MEI4: variants seen among roughly 807,000 people sequenced by gnomAD.
MEI4 encodes meiotic double-stranded break formation protein 4.
Under a neutral mutation model 31.4 loss-of-function variants are expected in MEI4, and 27 were observed. The ratio of observed to expected loss-of-function variants is 0.86; its 90% CI spans 0.63 to 1.19. MEI4 has a LOEUF of 1.19. Among genes scored for constraint, MEI4 ranks in the 50% most tolerant of loss-of-function variants. The pLI, the probability that MEI4 is intolerant of heterozygous loss-of-function variation, is 0.00. For missense variants in MEI4, 329 were observed against 398.9 expected (o/e 0.82, Z 1.49); for synonymous variants, 122 against 145.4 (o/e 0.84, Z 1.16).
intron 3 of MEI4, among the ~76,000 whole-genome samples, chr6:77,777,771 G>A (rs1768490355): frequency 6.6e-6 from 1 of 151,962 alleles, no homozygotes; most frequent in African/African-American, 2.4e-5. Flanking sequence ...CCAAAGAGCA[G>A]GCAGAAATGC....
At chr6:77,763,772 A>G (rs1768098626) in intron 3 of MEI4, among the ~76,000 whole-genome samples, 1 of 151,978 alleles carries the variant, frequency 6.6e-6, no homozygotes, top group Non-Finnish European at 1.5e-5. Context: ...TCCTCTTTGA[A>G]TGTTTGGTAG....
chr6:77,851,756 C>T (rs1378270323), intron 4 of MEI4, among the ~76,000 whole-genome samples: 2 of 151,738 alleles, frequency 1.3e-5, no homozygotes, highest in East Asian at 1.9e-4. Flanking sequence ...ACGTTGTGCA[C>T]ATGTACCCTA....
intron 4 of MEI4, among the ~76,000 whole-genome samples, chr6:77,867,444 T>C (rs6937032): frequency 0.54 from 82,266 of 152,030 alleles, 24,345 homozygotes; most frequent in African/African-American, 0.78. Context: ...GACATTTATG[T>C]AGCCAAAAGA....
intron 2 of MEI4, among the ~76,000 whole-genome samples, chr6:77,758,407 A>G (rs950960924): frequency 3.3e-5 from 5 of 151,936 alleles, no homozygotes; most frequent in Admixed American, 2.0e-4. Context: ...CAATCCTCCA[A>G]TTCTACCTCA....
intron 4 of MEI4, among the ~76,000 whole-genome samples, chr6:77,912,164 G>T (rs1766448496): frequency 6.6e-6 from 1 of 151,920 alleles, no homozygotes; most frequent in African/African-American, 2.4e-5. Context: ...TTCTGCATTT[G>T]TTATTCTGTT....
intron 4 of MEI4, among the ~76,000 whole-genome samples, chr6:77,919,847 A>G (rs1766661309): frequency 6.7e-6 from 1 of 150,112 alleles, no homozygotes; most frequent in Non-Finnish European, 1.5e-5. Flanking sequence ...AATACAAACT[A>G]CCATCAGAGA....
At chr6:77,835,416 AAAAAG>A (rs1314875604) in intron 4 of MEI4, among the ~76,000 whole-genome samples, 2 of 150,870 alleles carry the variant, frequency 1.3e-5, no homozygotes, top group Admixed American at 1.3e-4. Flanking sequence ...ATAAAAAAAA[AAAAAG>A]AAGAGAAAAA....
chr6:77,747,406 A>G (rs1767641324), intron 2 of MEI4, among the ~76,000 whole-genome samples: 1 of 152,198 alleles, frequency 6.6e-6, no homozygotes, highest in Non-Finnish European at 1.5e-5. Flanking sequence ...CCAAATGGCT[A>G]GGGAGCCCTC....
intron 3 of MEI4, among the ~76,000 whole-genome samples, chr6:77,788,116 G>A (rs1230136973): frequency 3.3e-5 from 5 of 152,000 alleles, no homozygotes; most frequent in Non-Finnish European, 7.4e-5. Flanking sequence ...ATCAATAAAT[G>A]TAATCCAGCA....
At chr6:77,661,638 A>C (rs998355199) in intron 1 of MEI4, among the ~76,000 whole-genome samples, 1 of 152,168 alleles carries the variant, frequency 6.6e-6, no homozygotes, top group Non-Finnish European at 1.5e-5. Context: ...ATAGATTTCC[A>C]TGATGGAAAG....
At chr6:77,664,777 A>G (rs1196802207) in intron 1 of MEI4, among the ~76,000 whole-genome samples, 2 of 152,136 alleles carry the variant, frequency 1.3e-5, no homozygotes, top group Non-Finnish European at 2.9e-5. Flanking sequence ...GACATCAGGC[A>G]CCTCAGACCG....
chr6:77,895,149 C>T (rs1225306173), intron 4 of MEI4, among the ~76,000 whole-genome samples: 1 of 152,126 alleles, frequency 6.6e-6, no homozygotes, highest in African/African-American at 2.4e-5. Context: ...TACGTATCTT[C>T]TTTCAGAGAT....
chr6:77,766,515 G>A (rs1015241215), intron 3 of MEI4, among the ~76,000 whole-genome samples: 1 of 152,158 alleles, frequency 6.6e-6, no homozygotes, highest in Non-Finnish European at 1.5e-5. Context: ...CTGGGTTCAC[G>A]CCATTCTCCT....
chr6:77,708,231 C>T (rs1423551264), intron 2 of MEI4, among the ~76,000 whole-genome samples: 1 of 152,230 alleles, frequency 6.6e-6, no homozygotes, highest in Non-Finnish European at 1.5e-5. Context: ...CCACCCCTTA[C>T]ACCAGTATGT....
Position 77,926,842 on chromosome 6 carries a change from T to A in MEI4, c.*3496T>A, listed in dbSNP as rs951832838. 5.9e-5 allele frequency: 9 copies of A among 151,964 alleles called. No homozygotes were observed. The highest frequency in any genetic ancestry group is 3.9e-4 in the Admixed American group (6 of 15,210). The allele number at this position is 151,964 out of a possible 1,614,324, so 9.4% of individuals were successfully genotyped here. On this transcript the variant is annotated 3_prime_UTR_variant, in exon 5 of 5. Coordinates refer to ENST00000684080, the MANE Select transcript of MEI4 (RefSeq NM_001322247.2). The stretch of plus-strand genomic sequence containing the variant: ...CATCAATATTTGCTGAAGGAGATAA[T>A]TAACTTGTTAATGTTTATCTAATAT...
intron 2 of MEI4, among the ~76,000 whole-genome samples, chr6:77,727,321 A>G (rs907315135): frequency 3.9e-5 from 6 of 152,178 alleles, no homozygotes; most frequent in African/African-American, 1.4e-4. Context: ...TTGGAGAAAC[A>G]CTATCATTTG....
chr6:77,878,894 A>G (rs968404240), intron 4 of MEI4, among the ~76,000 whole-genome samples: 5 of 152,128 alleles, frequency 3.3e-5, no homozygotes, highest in African/African-American at 9.7e-5. Context: ...AAATGCATAT[A>G]GTATGGCAAC....
At chr6:77,886,429 A>T (rs1211626117) in intron 4 of MEI4, among the ~76,000 whole-genome samples, 3 of 51,300 alleles carry the variant, frequency 5.8e-5, no homozygotes, top group African/African-American at 2.3e-4. Context: ...TAGATTTTCC[A>T]GTTTTGTTTT....
chr6:77,809,160 C>T (rs1040537746), intron 3 of MEI4, among the ~76,000 whole-genome samples: 2 of 152,148 alleles, frequency 1.3e-5, no homozygotes, highest in African/African-American at 2.4e-5. Context: ...AATTATTGAA[C>T]ATCTACATTG....
Sources: allele counts gnomAD v4.1 joint callset (sites outside exome capture counted in the v4.1 genomes callset), GRCh38; gene constraint gnomAD v4.1.1; transcripts MANE v1.5; gene names NCBI Gene and HGNC (gene_info 2026-07-23, HGNC 2026-07-21).